The following UGGT2 variants were observed in gnomAD, a reference collection of about 807,000 sequenced individuals.
UGGT2 encodes the protein UDP-glucose glycoprotein glucosyltransferase 2.
UGGT2 carries 180 observed loss-of-function variants against 192.1 expected under a neutral mutation model. The observed-to-expected ratio is 0.94, with a 90% CI of 0.83 to 1.06. The LOEUF is 1.06. UGGT2 is among the 50% of genes least tolerant of loss of function. UGGT2 has a pLI of 0.00. For synonymous variants in UGGT2, 580 were observed against 591.0 expected (o/e 0.98, Z 0.27); for missense variants, 1,849 against 1,795.7 (o/e 1.03, Z -0.54).
chr13:95,932,099 A>G (rs1261292996), intron 17 of UGGT2, among the ~76,000 whole-genome samples: 2 of 152,130 alleles, frequency 1.3e-5, no homozygotes, highest in African/African-American at 2.4e-5. Flanking sequence ...TTCTGTGAAT[A>G]ATGACATTGG....
chr13:95,922,286 T>A (rs923734493), intron 20 of UGGT2, among the ~76,000 whole-genome samples: 1 of 152,042 alleles, frequency 6.6e-6, no homozygotes, highest in Non-Finnish European at 1.5e-5. Context: ...GAGTAGACAC[T>A]GGGGACTACA....
intron 20 of UGGT2, among the ~76,000 whole-genome samples, chr13:95,904,954 C>T (rs368211461): frequency 2.0e-5 from 3 of 151,546 alleles, no homozygotes; most frequent in Admixed American, 6.6e-5. Flanking sequence ...CTCTCCAGCA[C>T]CTGTTGTTTC....
intron 38 of UGGT2, among the ~76,000 whole-genome samples, chr13:95,806,397 T>C (rs1884307116): frequency 1.3e-5 from 2 of 152,138 alleles, no homozygotes; most frequent in Admixed American, 6.6e-5. Context: ...GGAGATCCAG[T>C]TGGTGTCCAG....
chr13:95,854,463 C>T lies in UGGT2; in HGVS notation c.4021G>A (p.Asp1341Asn). ...TCGAAATCTCGAAGTTCTTTTAGAT[C>T]ATGTCTCACAATCTAAATAATTAAA... ...FVDADQIVRH[D>N]LKELRDFDLD... Residue 1341 changes from aspartate to asparagine, a missense_variant, in exon 35 of 39, where the codon GAT becomes AAT. Physicochemically the swap from Asp to Asn is conservative, Grantham distance 23. Transcript: ENST00000376747. The T allele has an allele frequency of 6.2e-7, 1 of 1,606,618 alleles. No individual in the cohort carries two copies. Among genetic ancestry groups the T allele is most frequent in the Non-Finnish European group, 8.5e-7 (1 of 1,177,448 alleles).
chr13:95,869,216 C>T (rs1890996568), intron 29 of UGGT2, among the ~76,000 whole-genome samples: 2 of 151,942 alleles, frequency 1.3e-5, no homozygotes, highest in African/African-American at 2.4e-5. Flanking sequence ...AGGACATGAA[C>T]TCATCATTTT....
At chr13:95,821,646 G>A (rs183740114) in intron 38 of UGGT2, among the ~76,000 whole-genome samples, 18 of 152,124 alleles carry the variant, frequency 1.2e-4, no homozygotes, top group African/African-American at 3.9e-4. Flanking sequence ...CTTTGCCTAC[G>A]CCAATGTCCA....
In UGGT2 at chr13:95,860,802, A is replaced by G; in HGVS notation, c.3726T>C (p.Tyr1242=). The part of the protein sequence containing the change: ...NIFSVASGHL[Y]ERFLRIMMLS... ...AATATACCTACCTTAAAAAACGTTCATATAAATGACCAGAAGCAACTGAAA... is the reference window on the plus strand; with the variant it reads ...AATATACCTACCTTAAAAAACGTTCGTATAAATGACCAGAAGCAACTGAAA... The change falls in exon 32 of 39, where the codon TAT becomes TAC. Residue 1242 remains tyrosine, a synonymous_variant. Transcript: ENST00000376747. 1 of 1,540,926 alleles carries G rather than the reference A, an allele frequency of 6.5e-7. No individual in the cohort carries two copies. Among genetic ancestry groups the G allele is most frequent in the East Asian group, 2.3e-5 (1 of 42,576 alleles).
At chr13:95,815,732 T>C (rs1462617157) in intron 38 of UGGT2, among the ~76,000 whole-genome samples, 1 of 152,188 alleles carries the variant, frequency 6.6e-6, no homozygotes, top group Non-Finnish European at 1.5e-5. Flanking sequence ...AAATCTTGAA[T>C]AGGCACTTTG....
intron 20 of UGGT2, among the ~76,000 whole-genome samples, chr13:95,914,257 A>G (rs2048604135): frequency 1.3e-5 from 2 of 152,078 alleles, no homozygotes; most frequent in African/African-American, 4.8e-5. Flanking sequence ...AAAAAAAAAA[A>G]AGAAGGCAAT....
chr13:95,913,117 C>T (rs1379836915), intron 20 of UGGT2, among the ~76,000 whole-genome samples: 1 of 152,156 alleles, frequency 6.6e-6, no homozygotes, highest in East Asian at 1.9e-4. Flanking sequence ...AAATGTTAGA[C>T]CTAAAACCAC....
At chr13:95,884,065 CAAAAAAAAAAA>C (rs35937679) in intron 27 of UGGT2, among the ~76,000 whole-genome samples, 1 of 73,956 alleles carries the variant, frequency 1.4e-5, no homozygotes, top group African/African-American at 5.2e-5. Flanking sequence ...GCTGTGAGGC[CAAAAAAAAAAA>C]AAAAAAAAAA....
chr13:95,849,833 A>G (rs1238455815), intron 36 of UGGT2, among the ~76,000 whole-genome samples: 3 of 149,534 alleles, frequency 2.0e-5, no homozygotes, highest in Non-Finnish European at 4.4e-5. Context: ...ACTTTTATAT[A>G]TTAATTTTTT....
chr13:95,801,932 A>G, intron 38 of UGGT2, 120 bp from the exon 39 acceptor site: 1 of 1,103,054 alleles, frequency 9.1e-7, no homozygotes, highest in East Asian at 2.5e-5. Flanking sequence ...TTGCTAGTTC[A>G]GTACCTATAT....
intron 20 of UGGT2, among the ~76,000 whole-genome samples, chr13:95,910,224 C>A (rs1279278621): frequency 6.6e-6 from 1 of 152,138 alleles, no homozygotes; most frequent in African/African-American, 2.4e-5. Flanking sequence ...ATAACGGGAT[C>A]AAATTTACAC....
chr13:95,879,679 C>T (rs575326025), intron 27 of UGGT2, among the ~76,000 whole-genome samples: 4 of 152,134 alleles, frequency 2.6e-5, no homozygotes, highest in African/African-American at 7.2e-5. Context: ...TCAAGTGATC[C>T]GCCCATCTTG....
At chr13:95,836,041 C>CTT (rs560776600) in intron 37 of UGGT2, among the ~76,000 whole-genome samples, 2,457 of 151,430 alleles carry the variant, frequency 0.016, 59 homozygotes, top group African/African-American at 0.057. Context: ...GCTCTCAGCC[C>CTT]TTTTTTTTTG....
chr13:95,942,225 T>A (rs879481106), intron 15 of UGGT2, among the ~76,000 whole-genome samples: 6 of 9,646 alleles, frequency 6.2e-4, no homozygotes, highest in East Asian at 5.7e-3. Flanking sequence ...GGTGAGGGTG[T>A]GTGTGTGTGT....
chr13:95,801,777 A>G lies in UGGT2; in HGVS notation c.*13T>C. On this transcript the variant is annotated 3_prime_UTR_variant, in exon 39 of 39. Transcript: ENST00000376747. ...CTGTCATGCTTTCGCCTTCCTTCTC[A>G]TATACACCAGTGCTAGAGTTCATCA... The G allele has an allele frequency of 1.2e-6, 2 of 1,613,002 alleles. No individual in the cohort carries two copies. Among genetic ancestry groups the G allele is most frequent in the Non-Finnish European group, 1.7e-6 (2 of 1,179,464 alleles).
chr13:95,952,372 C>T (rs937158641), intron 12 of UGGT2, among the ~76,000 whole-genome samples: 3 of 151,928 alleles, frequency 2.0e-5, no homozygotes, highest in African/African-American at 7.3e-5. Context: ...TCCAGGACTC[C>T]CCGAGGATAC....
Sources: gnomAD v4.1 joint callset for allele counts (sites outside exome capture counted in the v4.1 genomes callset) on GRCh38, gnomAD v4.1.1 for gene constraint, MANE v1.5 for transcripts, NCBI Gene and HGNC (gene_info 2026-07-23, HGNC 2026-07-21) for gene names.